Variants in RNF149 observed in about 807,000 individuals in gnomAD.
RNF149 encodes the protein ring finger protein 149.
RNF149 carries 21 observed loss-of-function variants against 39.0 expected under a neutral mutation model. That is an observed-to-expected ratio of 0.54 (90% confidence interval 0.38 to 0.77). RNF149 has a LOEUF of 0.77. RNF149 is among the 30% of genes least tolerant of loss of function. The pLI is 0.00. For synonymous variants in RNF149, 209 were observed against 213.6 expected (o/e 0.98, Z 0.19); for missense variants, 493 against 534.9 (o/e 0.92, Z 0.77).
intron 5 of RNF149, among the ~76,000 whole-genome samples, chr2:101,284,963 C>T (rs1682738637): frequency 6.6e-6 from 1 of 152,188 alleles, no homozygotes; most frequent in South Asian, 2.1e-4. Context: ...GGAACGCTCT[C>T]AGTTCACTAC....
chr2:101,296,564 A>T (rs1202848956), intron 1 of RNF149, among the ~76,000 whole-genome samples: 4 of 152,322 alleles, frequency 2.6e-5, no homozygotes, highest in Middle Eastern at 3.4e-3. Context: ...CAAATACATG[A>T]AAGAATTTAG....
chr2:101,294,930 C>T lies in RNF149; in HGVS notation c.711+1G>A. ...CAAAATTCAGAGTTATCCATCATTACCTGACTTCCAATCTGAGAGCCAGTA... is the reference window on the plus strand; with the variant it reads ...CAAAATTCAGAGTTATCCATCATTATCTGACTTCCAATCTGAGAGCCAGTA... On this transcript the variant is annotated splice_donor_variant, in intron 2 of 6. Transcript: ENST00000295317. LOFTEE classifies it high-confidence loss of function. 1 of 1,607,882 alleles carries T rather than the reference C, an allele frequency of 6.2e-7. No individual in the cohort carries two copies. Among genetic ancestry groups the T allele is most frequent in the Non-Finnish European group, 8.5e-7 (1 of 1,175,080 alleles).
chr2:101,295,651 A>T (rs1683202239), intron 1 of RNF149, among the ~76,000 whole-genome samples: 1 of 142,350 alleles, frequency 7.0e-6, no homozygotes, highest in African/African-American at 2.6e-5. Context: ...ACAGTGCGAG[A>T]CCCCATCTCA....
chr2:101,302,579 A>C (rs1026552753), intron 1 of RNF149, among the ~76,000 whole-genome samples: 2 of 152,144 alleles, frequency 1.3e-5, no homozygotes, highest in Non-Finnish European at 2.9e-5. Flanking sequence ...CAATTTTCCC[A>C]AATGCATTGC....
intron 1 of RNF149, 67 bp downstream of exon 1, chr2:101,308,062 A>C (rs1573274843): frequency 1.9e-6 from 3 of 1,563,956 alleles, no homozygotes; most frequent in Non-Finnish European, 2.6e-6. Context: ...TTCAGGGCCA[A>C]CCCTGAAGAC....
chr2:101,288,324 G>A (rs1441960686), intron 4 of RNF149, among the ~76,000 whole-genome samples: 1 of 139,564 alleles, frequency 7.2e-6, no homozygotes, highest in African/African-American at 2.7e-5. Context: ...TGTAACCTGT[G>A]CCTCCCGGGT....
intron 1 of RNF149, among the ~76,000 whole-genome samples, chr2:101,299,249 G>A (rs965393587): frequency 2.6e-5 from 4 of 152,204 alleles, no homozygotes; most frequent in Admixed American, 2.6e-4. Flanking sequence ...ATTGTGGAGA[G>A]AAATTTCATC....
intron 1 of RNF149, among the ~76,000 whole-genome samples, chr2:101,305,886 G>C (rs1269862062): frequency 6.6e-6 from 1 of 152,232 alleles, no homozygotes; most frequent in Non-Finnish European, 1.5e-5. Context: ...GTTGGGAAGA[G>C]TGAGTCACTC....
chr2:101,287,262 T>TA (rs1266133044), intron 4 of RNF149, among the ~76,000 whole-genome samples: 1 of 152,026 alleles, frequency 6.6e-6, no homozygotes, highest in Non-Finnish European at 1.5e-5. Context: ...ATGGAGGTTG[T>TA]AGTGAGCCAA....
intron 3 of RNF149, among the ~76,000 whole-genome samples, chr2:101,290,547 T>TA (rs1163620456): frequency 2.6e-5 from 4 of 152,146 alleles, no homozygotes; most frequent in Non-Finnish European, 5.9e-5. Context: ...AAACTTATAA[T>TA]AAAAAGAGAA....
intron 1 of RNF149, among the ~76,000 whole-genome samples, chr2:101,301,460 T>C (rs1051711492): frequency 6.6e-6 from 1 of 152,016 alleles, no homozygotes; most frequent in Non-Finnish European, 1.5e-5. Flanking sequence ...CTCTAATAGC[T>C]GGGACTGTGC....
intron 3 of RNF149, among the ~76,000 whole-genome samples, chr2:101,292,978 T>C (rs1332228388): frequency 6.6e-6 from 1 of 151,816 alleles, no homozygotes; most frequent in Non-Finnish European, 1.5e-5. Context: ...TGATCTTTTT[T>C]TTTTTTTTTT....
At chr2:101,289,226 C>T (rs999017350) in intron 3 of RNF149, among the ~76,000 whole-genome samples, 171 bp from the exon 4 acceptor site, 6 of 151,896 alleles carry the variant, frequency 4.0e-5, no homozygotes, top group African/African-American at 1.5e-4. Context: ...AGAGGATTAT[C>T]TAAATACGGT....
rs1035398351 is a variant in RNF149 at position 101,293,882 on chromosome 2, C to T, written c.780+132G>A. ...AATTGCTATATGCGACTAGTGGCTACCATATTAATGCAGGTCTAGAAGGCC... is the reference window on the plus strand; with the variant it reads ...AATTGCTATATGCGACTAGTGGCTATCATATTAATGCAGGTCTAGAAGGCC... On this transcript the variant is annotated intron_variant, in intron 3 of 6. Transcript: ENST00000295317. 1.2e-5 allele frequency: 7 copies of T among 570,620 alleles called. No homozygotes were observed. In the African/African-American group the frequency reaches 1.4e-4, roughly 11 times the overall value. The allele number at this position is 570,620 out of a possible 1,614,324, so 35.3% of individuals were successfully genotyped here.
intron 1 of RNF149, among the ~76,000 whole-genome samples, chr2:101,303,422 C>G (rs973704092): frequency 2.6e-5 from 4 of 151,958 alleles, no homozygotes; most frequent in African/African-American, 9.7e-5. Flanking sequence ...CTACTGCGCC[C>G]GACCCCAAAA....
chr2:101,306,669 A>T (rs1441832535), intron 1 of RNF149, among the ~76,000 whole-genome samples: 1 of 152,162 alleles, frequency 6.6e-6, no homozygotes, highest in Non-Finnish European at 1.5e-5. Context: ...CTGTCCCACC[A>T]ACCCATACTC....
At position 101,276,542 on chromosome 2, in the gene RNF149, T is replaced by A; in HGVS notation, c.*696A>T. On this transcript the variant is annotated 3_prime_UTR_variant, in exon 7 of 7. Coordinates refer to ENST00000295317, the MANE Select transcript of RNF149 (RefSeq NM_173647.4). ...TGAAGAACTTAATGCTCATGTGCGATATAGAATCTTAGCTTTTTATTTGTA... is the reference window on the plus strand; with the variant it reads ...TGAAGAACTTAATGCTCATGTGCGAAATAGAATCTTAGCTTTTTATTTGTA... 1 of 985,812 alleles carries A rather than the reference T, an allele frequency of 1.0e-6. No individual in the cohort carries two copies. The highest frequency in any genetic ancestry group is 4.7e-5 in the South Asian group (1 of 21,290). 61.1% of individuals were successfully genotyped at this position (985,812 alleles called of 1,614,324 possible).
intron 2 of RNF149, 151 bp from the exon 3 acceptor site, chr2:101,294,233 T>C (rs745781528): frequency 9.6e-6 from 5 of 521,116 alleles, no homozygotes; most frequent in Non-Finnish European, 1.7e-5. Flanking sequence ...TAACTTTTAA[T>C]GGCAAAACTG....
At chr2:101,286,225 T>A in intron 4 of RNF149, 48 bp from the exon 5 acceptor site, 1 of 1,117,040 alleles carries the variant, frequency 9.0e-7, no homozygotes, top group Middle Eastern at 2.3e-4. Context: ...AATGTTTATA[T>A]AACTTATAAA....
Sources: gnomAD v4.1 joint callset for allele counts (sites outside exome capture counted in the v4.1 genomes callset) on GRCh38, gnomAD v4.1.1 for gene constraint, MANE v1.5 for transcripts, NCBI Gene and HGNC (gene_info 2026-07-23, HGNC 2026-07-21) for gene names.